Variants in GNAS observed in about 807,000 individuals in gnomAD.
The protein encoded by GNAS is protein ALEX.
In GNAS, 8 loss-of-function variants were observed where a neutral mutation model predicts 54.5. The observed-to-expected ratio is 0.15, with a 90% CI of 0.09 to 0.26. The LOEUF (loss-of-function observed/expected upper bound fraction) is 0.26, where lower values mean the gene tolerates loss of function less well. GNAS is among the 10% of genes least tolerant of loss of function. The probability of loss-of-function intolerance (pLI) is 1.00; values close to 1 mark genes in which losing one functional copy is unlikely to be tolerated. For synonymous variants in GNAS, 204 were observed against 191.4 expected, an observed-to-expected ratio of 1.07 and a Z score of -0.54; for missense variants, 170 against 529.8, an observed-to-expected ratio of 0.32 and a Z score of 6.67.
intron 1 of GNAS, chr20:58,855,956 T>G: frequency 2.9e-6 from 1 of 342,974 alleles, no homozygotes; most frequent in Middle Eastern, 8.3e-4. Flanking sequence ...CTTTCGCTGT[T>G]CGCACACTCT....
intron 1 of GNAS, among the ~76,000 whole-genome samples, chr20:58,858,296 T>A (rs1323938579): frequency 6.6e-6 from 1 of 152,236 alleles, no homozygotes; most frequent in Non-Finnish European, 1.5e-5. Context: ...AAAAAATGTA[T>A]GTTCATGTGC....
chr20:58,869,003 C>G (rs1011126652), intron 1 of GNAS, among the ~76,000 whole-genome samples: 3 of 152,216 alleles, frequency 2.0e-5, no homozygotes, highest in Non-Finnish European at 4.4e-5. Context: ...CCCAAGGACA[C>G]GGCCCCTGCC....
At position 58,840,903 on chromosome 20, in the gene GNAS, TA is replaced by T. The variant is rs2085690569; in HGVS notation, c.43+20del. 1.2e-6 allele frequency: 2 copies of T among 1,611,682 alleles called. No individual in the cohort carries two copies. Among genetic ancestry groups the T allele is most frequent in the Admixed American group, 1.7e-5 (1 of 59,924 alleles). ...TGGATTCAGGTTAGTTGCCCACCGC[TA>T]AACTGGGGAGCCTGAGGGCGGTGTG... On this transcript the variant is annotated intron_variant, in intron 1 of 12. Transcript: ENST00000306090. The surrounding 1 kb of genome is among the most constrained non-coding windows in gnomAD (Gnocchi z 6.0).
chr20:58,909,926 A>G lies in GNAS; in HGVS notation c.840-25A>G, dbSNP rs1288990903. On this transcript the variant is annotated intron_variant, in intron 10 of 12. Coordinates refer to ENST00000371085, the MANE Select transcript of GNAS (RefSeq NM_000516.7). This position sits in a 1 kb window ranked among gnomAD's most constrained non-coding sequence, Gnocchi z 7.3. ...GGCCGAAAGCGCGCTTCTCCCAAGC[A>G]TTCACACGGCCTCCCTTCTTGTAGA... is the stretch of plus-strand genomic sequence containing the variant. 16 of 1,614,006 alleles carry G rather than the reference A, an allele frequency of 9.9e-6. No homozygotes were observed. The highest frequency in any genetic ancestry group is 1.3e-5 in the Non-Finnish European group (15 of 1,179,988).
At chr20:58,904,617 A>G (rs937844701) in intron 5 of GNAS, among the ~76,000 whole-genome samples, 33 of 152,244 alleles carry the variant, frequency 2.2e-4, no homozygotes, top group Non-Finnish European at 4.1e-4. Context: ...AGCTAAAACA[A>G]TGAGTTATTG....
At chr20:58,892,028 G>A (rs1363882138) in intron 1 of GNAS, 163 bp downstream of exon 1, 1 of 851,734 alleles carries the variant, frequency 1.2e-6, no homozygotes, top group Non-Finnish European at 1.4e-6. Flanking sequence ...GGGGGACCCA[G>A]GGGCGCGGAT....
intron 1 of GNAS, chr20:58,855,486 C>A: frequency 3.9e-6 from 3 of 767,970 alleles, no homozygotes; most frequent in South Asian, 1.5e-5. Context: ...CAGGGAGGGA[C>A]CCTAACTGCC....
At position 58,853,894 on chromosome 20, in the gene GNAS, C is replaced by T. The variant is rs763764739; in HGVS notation, c.43+13008C>T. The stretch of plus-strand genomic sequence containing the variant: ...CCCCAAGCCCTCAGGCCTGCAAAGG[C>T]TGGCTCCAGAGGAGGCTACAGCCCT... On this transcript the variant is annotated intron_variant, in intron 1 of 12. Coordinates refer to the GNAS transcript ENST00000306090. The surrounding 1 kb of genome is among the most constrained non-coding windows in gnomAD (Gnocchi z 4.4). 5.6e-6 allele frequency: 9 copies of T among 1,601,660 alleles called. No individual in the cohort carries two copies. The highest frequency in any genetic ancestry group is 7.7e-6 in the Non-Finnish European group (9 of 1,174,672).
At chr20:58,854,376 G>C in intron 1 of GNAS, 1 of 1,571,458 alleles carries the variant, frequency 6.4e-7, no homozygotes. Context: ...CGCGGAGGGA[G>C]GAAAAGTACC....
At chr20:58,852,155 C>T (rs1187114336) in intron 1 of GNAS, among the ~76,000 whole-genome samples, 1 of 151,904 alleles carries the variant, frequency 6.6e-6, no homozygotes, top group Admixed American at 6.6e-5. Context: ...CTTGGTGGTA[C>T]GCACCCGAGA....
At chr20:58,874,612 C>T (rs955846639) in intron 1 of GNAS, among the ~76,000 whole-genome samples, 12 of 152,054 alleles carry the variant, frequency 7.9e-5, no homozygotes, top group African/African-American at 2.9e-4. Flanking sequence ...CCTGGCCTGC[C>T]CTCCATCTTA....
intron 1 of GNAS, chr20:58,855,648 A>AGCCAGGAACTGCCGGGGAGGGGGCCCC: frequency 1.4e-6 from 1 of 691,062 alleles, no homozygotes; most frequent in Non-Finnish European, 2.7e-6. Flanking sequence ...GCTTCAGGTG[A>AGCCAGGAACTGCCGGGGAGGGGGCCCC]GCCAGGAACT....
In GNAS at chr20:58,905,330, TTGA is replaced by T. The variant is rs2090967962; in HGVS notation, c.433-51_433-49del. On this transcript the variant is annotated intron_variant, in intron 5 of 12. Coordinates refer to ENST00000371085, the MANE Select transcript of GNAS (RefSeq NM_000516.7). Reference sequence around the variant, plus strand: ...TCTCAGGGTTTGAATGACAGTGTTGTTGATTAGTTCAAGCTCTTGCCTTTCTCT... The same window carrying T: ...TCTCAGGGTTTGAATGACAGTGTTGTTTAGTTCAAGCTCTTGCCTTTCTCT... 4.1e-6 allele frequency: 4 copies of T among 986,676 alleles called. No individual in the cohort carries two copies. The Admixed American group carries it at 6.8e-5, about 17-fold the overall frequency. The allele number at this position is 986,676 out of a possible 1,614,324, so 61.1% of individuals were successfully genotyped here. A position where few individuals can be genotyped will look rare whatever the true frequency, so the allele number is the denominator to read the frequency against.
chr20:58,891,562 C>A lies in GNAS; in HGVS notation c.-165C>A. On this transcript the variant is annotated 5_prime_UTR_variant, in exon 1 of 13. Transcript: ENST00000371085. ...TCCCCTTCCCGCCCGTCCGCGCGCC[C>A]CGCGGCCCGCGGCCCGCAGTCCGCC... The A allele has an allele frequency of 1.0e-6, 1 of 969,440 alleles. No homozygotes were observed. The highest frequency in any genetic ancestry group is 4.7e-5 in the South Asian group (1 of 21,418). 60.1% of individuals were successfully genotyped at this position (969,440 alleles called of 1,614,324 possible). A position where few individuals can be genotyped will look rare whatever the true frequency, so the allele number is the denominator to read the frequency against.
upstream of GNAS, chr20:58,840,793 G>C (rs1408655246): frequency 1.2e-6 from 2 of 1,611,978 alleles, no homozygotes; most frequent in Admixed American, 1.7e-5. This position sits in a 1 kb window ranked among gnomAD's most constrained non-coding sequence, Gnocchi z 6.0. Context: ...GCCGTGACGC[G>C]TCCCCGGAGT....
intron 1 of GNAS, among the ~76,000 whole-genome samples, chr20:58,846,476 G>A (rs1211714826): frequency 6.6e-6 from 1 of 152,228 alleles, no homozygotes; most frequent in Admixed American, 6.5e-5. Flanking sequence ...TTTCATAGGT[G>A]TGGAGTTTTC....
chr20:58,890,370 A>G (rs2089066316), upstream of GNAS, among the ~76,000 whole-genome samples: 1 of 150,582 alleles, frequency 6.6e-6, no homozygotes, highest in South Asian at 2.1e-4. Context: ...TGACTGGGAC[A>G]CGGACTCGAG....
chr20:58,905,333 A>AT (rs761275363), intron 5 of GNAS, 50 bp from the exon 6 acceptor site: 1 of 1,005,180 alleles, frequency 9.9e-7, no homozygotes, highest in East Asian at 2.4e-5. Flanking sequence ...AGTGTTGTTG[A>AT]TTAGTTCAAG....
chr20:58,890,065 C>T (rs2145870707), upstream of GNAS, among the ~76,000 whole-genome samples: 1 of 151,716 alleles, frequency 6.6e-6, no homozygotes, highest in South Asian at 2.1e-4. Flanking sequence ...CCCAAGAACC[C>T]GGCGCGGGAG....
Sources: allele counts gnomAD v4.1 joint callset (sites outside exome capture counted in the v4.1 genomes callset), GRCh38; gene constraint gnomAD v4.1.1; non-coding constraint Gnocchi (gnomAD v3.1); transcripts MANE v1.5; gene names NCBI Gene and HGNC (gene_info 2026-07-23, HGNC 2026-07-21).